The following WWC2 variants were observed in gnomAD, a reference collection of about 807,000 sequenced individuals.
The protein encoded by WWC2 is WW and C2 domain containing 2.
A neutral mutation model predicts 138.5 loss-of-function variants in WWC2; 101 were observed. The observed-to-expected ratio is 0.73, with a 90% CI of 0.62 to 0.86. The LOEUF is 0.86. Ranked by LOEUF, WWC2 falls within the 40% of genes least tolerant of loss-of-function variation. WWC2 has a pLI of 0.00. For missense variants in WWC2, 1,420 were observed against 1,419.4 expected (o/e 1.00, Z -0.01); for synonymous variants, 558 against 538.4 (o/e 1.04, Z -0.50).
chr4:183,141,691 C>T (rs1733305934), intron 1 of WWC2, among the ~76,000 whole-genome samples: 1 of 152,158 alleles, frequency 6.6e-6, no homozygotes, highest in African/African-American at 2.4e-5. Context: ...AAATAAGGTA[C>T]AAACACCCTG....
At chr4:183,314,843 T>G (rs1739380922) in intron 22 of WWC2, among the ~76,000 whole-genome samples, 1 of 152,200 alleles carries the variant, frequency 6.6e-6, no homozygotes, top group African/African-American at 2.4e-5. Flanking sequence ...GTGTCCATAG[T>G]GTTCTCACTC....
chr4:183,253,435 C>T (rs186121772), intron 8 of WWC2, among the ~76,000 whole-genome samples: 101 of 152,334 alleles, frequency 6.6e-4, no homozygotes, highest in African/African-American at 2.1e-3. Flanking sequence ...GCTGGCCTCT[C>T]GTGGCGCCCA....
At chr4:183,306,603 C>G (rs1308796117) in intron 21 of WWC2, among the ~76,000 whole-genome samples, 1 of 151,662 alleles carries the variant, frequency 6.6e-6, no homozygotes, top group Non-Finnish European at 1.5e-5. Flanking sequence ...GAGTCTCGCT[C>G]TGTCACCCAG....
At chr4:183,203,988 TCAG>T (rs1735375800) in intron 2 of WWC2, among the ~76,000 whole-genome samples, 1 of 152,080 alleles carries the variant, frequency 6.6e-6, no homozygotes, top group East Asian at 1.9e-4. Flanking sequence ...TTGAGTTCTC[TCAG>T]AAGCAAACCC....
At chr4:183,160,901 G>C (rs1733944316) in intron 1 of WWC2, among the ~76,000 whole-genome samples, 2 of 152,154 alleles carry the variant, frequency 1.3e-5, no homozygotes, top group Non-Finnish European at 2.9e-5. Context: ...AACTCCATCA[G>C]GAACTTGTGC....
At chr4:183,156,010 G>GT (rs1460137817) in intron 1 of WWC2, among the ~76,000 whole-genome samples, 1 of 125,032 alleles carries the variant, frequency 8.0e-6, no homozygotes, top group Non-Finnish European at 1.6e-5. Flanking sequence ...CCGTTGTGTT[G>GT]TTTTTTTCTT....
intron 1 of WWC2, among the ~76,000 whole-genome samples, chr4:183,181,255 A>T (rs983280202): frequency 6.6e-6 from 1 of 152,194 alleles, no homozygotes; most frequent in Non-Finnish European, 1.5e-5. Context: ...TGCATATCAC[A>T]GTAAAAAGTG....
At chr4:183,154,532 T>C (rs989761408) in intron 1 of WWC2, among the ~76,000 whole-genome samples, 1 of 152,212 alleles carries the variant, frequency 6.6e-6, no homozygotes, top group Non-Finnish European at 1.5e-5. Flanking sequence ...GTTGGACTTC[T>C]GTGTTCACCA....
At chr4:183,206,853 A>C (rs978738065) in intron 2 of WWC2, among the ~76,000 whole-genome samples, 3 of 152,254 alleles carry the variant, frequency 2.0e-5, no homozygotes, top group Non-Finnish European at 1.5e-5. Flanking sequence ...ATGTGGTCAA[A>C]AAATATGTTA....
chr4:183,145,351 T>TA (rs1214592285), intron 1 of WWC2, among the ~76,000 whole-genome samples: 2 of 152,218 alleles, frequency 1.3e-5, no homozygotes, highest in South Asian at 4.1e-4. Context: ...TTATTTTTTT[T>TA]ATTGTTAAAA....
intron 1 of WWC2, among the ~76,000 whole-genome samples, chr4:183,179,125 T>G (rs1241958735): frequency 1.3e-5 from 2 of 152,074 alleles, no homozygotes; most frequent in Admixed American, 1.3e-4. Context: ...TATTGTTGAA[T>G]GAAAAAAGTA....
intron 4 of WWC2, among the ~76,000 whole-genome samples, chr4:183,220,829 G>A (rs11938304): frequency 0.13 from 18,471 of 147,314 alleles, 1,325 homozygotes; most frequent in South Asian, 0.2. Context: ...GCGAGACTCC[G>A]TCTCAAAAAG....
intron 4 of WWC2, among the ~76,000 whole-genome samples, chr4:183,237,590 T>A (rs1475219115): frequency 6.6e-6 from 1 of 152,202 alleles, no homozygotes; most frequent in African/African-American, 2.4e-5. Flanking sequence ...TGAGTTCCAG[T>A]AGCACTCTTT....
chr4:183,201,894 G>A (rs1168140613), intron 2 of WWC2, among the ~76,000 whole-genome samples: 1 of 152,150 alleles, frequency 6.6e-6, no homozygotes, highest in Non-Finnish European at 1.5e-5. Flanking sequence ...ATTTATAGAG[G>A]TGACTGAGTG....
intron 1 of WWC2, among the ~76,000 whole-genome samples, chr4:183,113,513 T>C (rs867461442): frequency 0.041 from 4,621 of 112,080 alleles, 89 homozygotes; most frequent in South Asian, 0.051. Flanking sequence ...TGTGTGTGTG[T>C]GTGCGCGCGC....
At chr4:183,144,663 C>G (rs1345741161) in intron 1 of WWC2, among the ~76,000 whole-genome samples, 1 of 151,522 alleles carries the variant, frequency 6.6e-6, no homozygotes, top group Non-Finnish European at 1.5e-5. Flanking sequence ...TATATGATCC[C>G]AAATGCCATT....
chr4:183,198,563 G>A (rs1045035199), intron 2 of WWC2, among the ~76,000 whole-genome samples: 3 of 151,754 alleles, frequency 2.0e-5, no homozygotes, highest in Non-Finnish European at 4.4e-5. Flanking sequence ...TTCATTTAAT[G>A]TATAATTTTC....
At chr4:183,158,313 A>G (rs1041354053) in intron 1 of WWC2, among the ~76,000 whole-genome samples, 4 of 152,134 alleles carry the variant, frequency 2.6e-5, no homozygotes, top group African/African-American at 4.8e-5. Context: ...CTGCCATAAC[A>G]AAGTAGCACT....
intron 1 of WWC2, among the ~76,000 whole-genome samples, chr4:183,174,390 C>T (rs1734397235): frequency 6.6e-6 from 1 of 152,180 alleles, no homozygotes; most frequent in South Asian, 2.1e-4. Flanking sequence ...ATGAATGGAT[C>T]TGCTTCTGGG....
Sources: allele counts gnomAD v4.1 joint callset (sites outside exome capture counted in the v4.1 genomes callset), GRCh38; gene constraint gnomAD v4.1.1; transcripts MANE v1.5; gene names NCBI Gene and HGNC (gene_info 2026-07-23, HGNC 2026-07-21).